The following KDM2A variants were observed in gnomAD, a reference collection of about 807,000 sequenced individuals.
KDM2A encodes the protein lysine demethylase 2A, also known as lysine-specific demethylase 2A.
In KDM2A, 3 loss-of-function variants were observed where a neutral mutation model predicts 137.3. That is an observed-to-expected ratio of 0.02 (90% CI 0.01 to 0.06). The LOEUF is 0.06. Among genes scored for constraint, KDM2A ranks in the 10% least tolerant of loss-of-function variants. KDM2A has a pLI of 1.00. For missense variants in KDM2A, 738 were observed against 1,510.6 expected, an observed-to-expected ratio of 0.49 and a Z score of 8.48; for synonymous variants, 512 against 541.5, an observed-to-expected ratio of 0.95 and a Z score of 0.76.
chr11:67,195,688 T>C (rs934516296), intron 5 of KDM2A: 1 of 167,218 alleles, frequency 6.0e-6, no homozygotes, highest in African/African-American at 2.4e-5. Context: ...CCTTGGGTTT[T>C]AAATTCTTCA....
intron 2 of KDM2A, among the ~76,000 whole-genome samples, chr11:67,159,499 G>A (rs1856590434): frequency 6.6e-6 from 1 of 152,152 alleles, no homozygotes; most frequent in African/African-American, 2.4e-5. Flanking sequence ...CCAGATGATT[G>A]AGCACTTCAA....
chr11:67,123,517 C>G (rs901711654), intron 2 of KDM2A, among the ~76,000 whole-genome samples: 62 of 151,910 alleles, frequency 4.1e-4, no homozygotes, highest in African/African-American at 1.3e-3. Flanking sequence ...TTTAACTTTT[C>G]TTTGGGAACA....
intron 2 of KDM2A, among the ~76,000 whole-genome samples, chr11:67,124,752 C>T (rs1163651815): frequency 6.6e-6 from 1 of 150,506 alleles, no homozygotes; most frequent in Non-Finnish European, 1.5e-5. Context: ...GTACTTGTTG[C>T]ATACATTAAC....
intron 12 of KDM2A, among the ~76,000 whole-genome samples, chr11:67,236,248 A>G (rs567229578): frequency 2.0e-5 from 3 of 152,256 alleles, no homozygotes; most frequent in East Asian, 3.9e-4. Flanking sequence ...CTCCTGCCTC[A>G]GCCTCCTGAG....
chr11:67,124,232 G>A (rs1328987767), intron 2 of KDM2A, among the ~76,000 whole-genome samples: 2 of 152,146 alleles, frequency 1.3e-5, no homozygotes, highest in Admixed American at 6.6e-5. Flanking sequence ...TTGAACTCCT[G>A]ACCTCAGATG....
chr11:67,140,549 T>C (rs1161167538), intron 2 of KDM2A, among the ~76,000 whole-genome samples: 1 of 151,882 alleles, frequency 6.6e-6, no homozygotes, highest in East Asian at 1.9e-4. Context: ...GTCAGGAGTT[T>C]GAGACCAGCC....
At chr11:67,125,529 T>C (rs1855701065) in intron 2 of KDM2A, among the ~76,000 whole-genome samples, 1 of 151,952 alleles carries the variant, frequency 6.6e-6, no homozygotes, top group Non-Finnish European at 1.5e-5. Flanking sequence ...CCCATCACTT[T>C]GGGAGGCATA....
intron 2 of KDM2A, among the ~76,000 whole-genome samples, chr11:67,162,790 T>C (rs2136318092): frequency 6.6e-6 from 1 of 152,288 alleles, no homozygotes; most frequent in South Asian, 2.1e-4. Context: ...CATTGTTCAC[T>C]GGAACCTAAA....
intron 2 of KDM2A, among the ~76,000 whole-genome samples, chr11:67,170,104 T>C (rs185715316): frequency 2.0e-5 from 3 of 152,208 alleles, no homozygotes; most frequent in South Asian, 2.1e-4. Flanking sequence ...ACTACAAATA[T>C]AGGAAGTGAG....
chr11:67,254,184 T>A lies in KDM2A; in HGVS notation c.3092-19T>A. 1 of 1,603,894 alleles carries A rather than the reference T, an allele frequency of 6.2e-7. No homozygotes were observed. Among genetic ancestry groups the A allele is most frequent in the Non-Finnish European group, 8.5e-7 (1 of 1,172,484 alleles). On this transcript the variant is annotated intron_variant, in intron 19 of 20. Transcript: ENST00000529006. This position sits in a 1 kb window ranked among gnomAD's most constrained non-coding sequence, Gnocchi z 4.7. ...GAGAATTGAGAGTTTTGATCTAGGC[T>A]CTTCTCTTGCCTGTACAGGTCAGGA... is the stretch of plus-strand genomic sequence containing the variant.
At chr11:67,222,758 T>TAAAGA (rs556496851) in intron 10 of KDM2A, among the ~76,000 whole-genome samples, 21 of 148,944 alleles carry the variant, frequency 1.4e-4, no homozygotes, top group Admixed American at 5.5e-4. Flanking sequence ...TTTTTATGGT[T>TAAAGA]AAAGATGACT....
At chr11:67,134,693 C>T (rs940307612) in intron 2 of KDM2A, among the ~76,000 whole-genome samples, 3 of 151,742 alleles carry the variant, frequency 2.0e-5, no homozygotes, top group Admixed American at 6.6e-5. Flanking sequence ...TTAGTGGAGA[C>T]AGGATTTCGC....
At chr11:67,233,449 C>G (rs1364676863) in intron 12 of KDM2A, among the ~76,000 whole-genome samples, 4 of 129,298 alleles carry the variant, frequency 3.1e-5, no homozygotes, top group South Asian at 2.7e-4. Flanking sequence ...GTCAGGAGTT[C>G]AAGATCAGCC....
intron 8 of KDM2A, among the ~76,000 whole-genome samples, 159 bp downstream of exon 8, chr11:67,216,108 GTGT>G (rs1233416743): frequency 6.6e-6 from 1 of 152,218 alleles, no homozygotes; most frequent in African/African-American, 2.4e-5. Context: ...TTCTTGGCTA[GTGT>G]TCAGTAGAAA....
intron 5 of KDM2A, among the ~76,000 whole-genome samples, chr11:67,202,465 ATTG>A (rs1031522506): frequency 1.8e-4 from 27 of 152,208 alleles, no homozygotes; most frequent in Admixed American, 7.2e-4. Flanking sequence ...TGCAAACTTT[ATTG>A]TTGTCTTATT....
chr11:67,165,216 G>A (rs1397776282), intron 2 of KDM2A, among the ~76,000 whole-genome samples: 1 of 152,044 alleles, frequency 6.6e-6, no homozygotes, highest in Non-Finnish European at 1.5e-5. Context: ...CCACCTTCTG[G>A]GTTCAAGCAG....
At chr11:67,233,348 A>G (rs1394641215) in intron 12 of KDM2A, among the ~76,000 whole-genome samples, 1 of 147,030 alleles carries the variant, frequency 6.8e-6, no homozygotes, top group Non-Finnish European at 1.5e-5. Flanking sequence ...GTGAAACCCC[A>G]TCTCTACTAA....
At chr11:67,227,104 T>C (rs765286331) in intron 10 of KDM2A, among the ~76,000 whole-genome samples, 2 of 152,198 alleles carry the variant, frequency 1.3e-5, no homozygotes, top group African/African-American at 4.8e-5. Context: ...GAAATAATAA[T>C]GAAAATGCTC....
intron 17 of KDM2A, chr11:67,252,277 A>C: frequency 4.9e-6 from 1 of 202,518 alleles, no homozygotes; most frequent in Non-Finnish European, 1.0e-5. Flanking sequence ...AAGGGAGGGA[A>C]CGGAGCAGGC....
Sources: allele counts gnomAD v4.1 joint callset (sites outside exome capture counted in the v4.1 genomes callset), GRCh38; gene constraint gnomAD v4.1.1; non-coding constraint Gnocchi (gnomAD v3.1); transcripts MANE v1.5; gene names NCBI Gene and HGNC (gene_info 2026-07-23, HGNC 2026-07-21).